The following LOXHD1 variants were observed in gnomAD, a reference collection of about 807,000 sequenced individuals.
The protein encoded by LOXHD1 is lipoxygenase homology PLAT domains 1.
Under a neutral mutation model 248.2 loss-of-function variants are expected in LOXHD1, and 205 were observed. The observed-to-expected ratio is 0.83, with a 90% CI of 0.74 to 0.93. LOXHD1 has a LOEUF of 0.93. Ranked by LOEUF, LOXHD1 falls within the 40% of genes least tolerant of loss-of-function variation. The probability of loss-of-function intolerance (pLI) is 0.00; values close to 1 mark genes in which losing one functional copy is unlikely to be tolerated. For missense variants in LOXHD1, 2,930 were observed against 2,971.6 expected (o/e 0.99, Z 0.33); for synonymous variants, 1,113 against 1,162.8 (o/e 0.96, Z 0.87).
chr18:46,544,442 A>C (rs1193241137), intron 23 of LOXHD1, among the ~76,000 whole-genome samples: 2 of 152,236 alleles, frequency 1.3e-5, no homozygotes, highest in African/African-American at 2.4e-5. Flanking sequence ...TTCAGGAATG[A>C]TTGCAATCAC....
intron 4 of LOXHD1, among the ~76,000 whole-genome samples, chr18:46,618,672 C>T (rs536157872): frequency 6.6e-6 from 1 of 152,334 alleles, no homozygotes; most frequent in South Asian, 2.1e-4. Context: ...AACCAACCTC[C>T]ACCATATCTC....
In LOXHD1 at chr18:46,604,173, C is replaced by T; in HGVS notation, c.816G>A (p.Trp272Ter). The change falls in exon 7 of 41, where the codon TGG becomes TGA. Residue 272 changes from tryptophan to a stop codon, truncating the protein, a stop_gained. Transcript: ENST00000642948. LOFTEE classifies it high-confidence loss of function. ...KRKYDFPLNR[W>*]LALDEDDGKI... is the part of the protein sequence containing the mutation. The stretch of plus-strand genomic sequence containing the variant: ...TGCCATCGTCTTCGTCCAAGGCCAG[C>T]CAGCGGTTAAGGGGGAAGTCATATT... 6.4e-7 allele frequency: 1 copy of T among 1,551,708 alleles called. No homozygotes were observed.
chr18:46,480,663 G>A (rs2032485431), intron 40 of LOXHD1, among the ~76,000 whole-genome samples: 1 of 152,110 alleles, frequency 6.6e-6, no homozygotes. Context: ...TGTCCAGCCA[G>A]AGTAAAGGCA....
chr18:46,520,512 C>G, intron 33 of LOXHD1: 1 of 336,660 alleles, frequency 3.0e-6, no homozygotes, highest in South Asian at 2.4e-5. Context: ...CTGACCTGTG[C>G]GTTTATATAA....
chr18:46,619,746 A>G (rs1433768389), intron 4 of LOXHD1, among the ~76,000 whole-genome samples: 1 of 152,210 alleles, frequency 6.6e-6, no homozygotes, highest in Non-Finnish European at 1.5e-5. Flanking sequence ...GCCCACACAC[A>G]GCCCCTGAAA....
intron 29 of LOXHD1, among the ~76,000 whole-genome samples, chr18:46,527,477 A>G (rs1190257209): frequency 6.6e-6 from 1 of 152,210 alleles, no homozygotes; most frequent in Non-Finnish European, 1.5e-5. Context: ...CAGTAACTCA[A>G]AATTAACTCT....
At chr18:46,547,780 GC>G (rs1338799869) in intron 21 of LOXHD1, among the ~76,000 whole-genome samples, 2 of 152,164 alleles carry the variant, frequency 1.3e-5, no homozygotes, top group Admixed American at 6.5e-5. Flanking sequence ...TGCTAGGGTT[GC>G]CAGATTTAGC....
chr18:46,569,321 C>CT, intron 16 of LOXHD1, 121 bp downstream of exon 16: 4 of 866,242 alleles, frequency 4.6e-6, no homozygotes, highest in Non-Finnish European at 7.1e-6. Context: ...TGTGTTTACC[C>CT]TTATGTACAT....
In LOXHD1 at chr18:46,507,063, G is replaced by A. The variant is rs145209960; in HGVS notation, c.5692+475C>T. On this transcript the variant is annotated intron_variant, in intron 36 of 40. Transcript: ENST00000642948. ...ACTTGACTTTGGCATTGCATCCATC[G>A]GAGCGTCACCGCACTGCACTGTGGT... 7.9e-5 allele frequency among the ~76,000 whole-genome samples: 12 copies of A among 152,250 alleles called. No homozygotes were observed. The East Asian group carries it at 1.9e-3, about 24-fold the overall frequency.
At chr18:46,522,411 C>G in intron 31 of LOXHD1, 102 bp from the exon 32 acceptor site, 1 of 914,644 alleles carries the variant, frequency 1.1e-6, no homozygotes. Context: ...GCACTGATCT[C>G]AGCTCCTTGC....
chr18:46,576,402 T>A (rs1044933800), intron 14 of LOXHD1, among the ~76,000 whole-genome samples: 2 of 151,622 alleles, frequency 1.3e-5, no homozygotes, highest in Admixed American at 1.3e-4. Flanking sequence ...TTCTCACTCC[T>A]TCCCCACATG....
intron 10 of LOXHD1, 73 bp from the exon 11 acceptor site, chr18:46,592,657 C>A: frequency 1.6e-6 from 2 of 1,279,856 alleles, no homozygotes. Flanking sequence ...CTGACCCACT[C>A]TCAGGAGGGT....
At chr18:46,564,879 G>C (rs1599009426) in intron 17 of LOXHD1, among the ~76,000 whole-genome samples, 1 of 152,332 alleles carries the variant, frequency 6.6e-6, no homozygotes. Flanking sequence ...AGTTCTGGGA[G>C]CGGGAGAGGT....
rs149181200 is a variant in LOXHD1, at chr18:46,515,276, C to T, written c.5399+2853G>A. On this transcript the variant is annotated intron_variant, in intron 34 of 40. Transcript: ENST00000642948. The stretch of plus-strand genomic sequence containing the variant: ...TAGCAAGCTGTGCCCATGACACATG[C>T]CCAGTGGGTCTTTCTATCTATCTTC... Among the ~76,000 whole-genome samples the T allele has an allele frequency of 5.8e-3, 885 of 152,294 alleles. 11 individuals are homozygous for T. The highest frequency in any genetic ancestry group is 0.02 in the African/African-American group (844 of 41,562).
chr18:46,593,789 A>C (rs531666967), intron 9 of LOXHD1, 29 bp from the exon 10 acceptor site: 1 of 1,550,554 alleles, frequency 6.4e-7, no homozygotes, highest in African/African-American at 1.4e-5. Flanking sequence ...TGCACCATAA[A>C]CTTCAGGAAG....
intron 28 of LOXHD1, among the ~76,000 whole-genome samples, chr18:46,532,581 G>GAAGT (rs34842881): frequency 0.18 from 27,462 of 152,150 alleles, 2,618 homozygotes; most frequent in Middle Eastern, 0.22. Context: ...GGAAGTACAA[G>GAAGT]GAGTGGCCAG....
At chr18:46,530,754 T>C (rs1343950447) in intron 28 of LOXHD1, among the ~76,000 whole-genome samples, 1 of 152,148 alleles carries the variant, frequency 6.6e-6, no homozygotes, top group East Asian at 1.9e-4. Flanking sequence ...ATTTTCTTAT[T>C]TTCCCCTGGG....
intron 31 of LOXHD1, among the ~76,000 whole-genome samples, chr18:46,523,149 G>C (rs1466305282): frequency 6.6e-6 from 1 of 152,136 alleles, no homozygotes; most frequent in Non-Finnish European, 1.5e-5. Context: ...GTTTCTCCAT[G>C]TTGGTCAGGC....
chr18:46,572,586 A>G (rs530986644), intron 14 of LOXHD1, among the ~76,000 whole-genome samples: 1 of 152,302 alleles, frequency 6.6e-6, no homozygotes, highest in African/African-American at 2.4e-5. Context: ...GTCACATGAT[A>G]TAGGGCCTTG....
Sources: gnomAD v4.1 joint callset for allele counts (sites outside exome capture counted in the v4.1 genomes callset) on GRCh38, gnomAD v4.1.1 for gene constraint, MANE v1.5 for transcripts, NCBI Gene and HGNC (gene_info 2026-07-23, HGNC 2026-07-21) for gene names.